The following SLC38A4 variants were observed in gnomAD, a reference collection of about 807,000 sequenced individuals.
The protein encoded by SLC38A4 is sodium-coupled neutral amino acid transporter 4.
Under a neutral mutation model 63.1 loss-of-function variants are expected in SLC38A4, and 20 were observed. The observed-to-expected ratio is 0.32, with a 90% confidence interval of 0.22 to 0.46. SLC38A4 has a LOEUF of 0.46. Ranked by LOEUF, SLC38A4 falls within the 20% of genes least tolerant of loss-of-function variation. The probability of loss-of-function intolerance (pLI) is 1.00; values close to 1 mark genes in which losing one functional copy is unlikely to be tolerated. For synonymous variants in SLC38A4, 230 were observed against 225.5 expected (o/e 1.02, Z -0.18); for missense variants, 526 against 663.6 (o/e 0.79, Z 2.28).
chr12:46,789,793 G>A (rs1938843170), intron 3 of SLC38A4, among the ~76,000 whole-genome samples: 1 of 152,106 alleles, frequency 6.6e-6, no homozygotes, highest in South Asian at 2.1e-4. Flanking sequence ...TATAATCCTA[G>A]AGGCCAGGCA....
chr12:46,773,891 T>C (rs1938471081), intron 14 of SLC38A4, among the ~76,000 whole-genome samples: 1 of 152,066 alleles, frequency 6.6e-6, no homozygotes, highest in Non-Finnish European at 1.5e-5. Context: ...TGCCAAAATT[T>C]AGTGAGTGAT....
chr12:46,785,421 T>C (rs1361250336), intron 5 of SLC38A4, among the ~76,000 whole-genome samples: 1 of 152,038 alleles, frequency 6.6e-6, no homozygotes, highest in African/African-American at 2.4e-5. Context: ...TACCCAGTGG[T>C]AGAATCTGGT....
rs1224750971 is a variant in SLC38A4, at chr12:46,793,145, G to A, written c.-74C>T. On this transcript the variant is annotated 5_prime_UTR_variant, in exon 3 of 17. Transcript: ENST00000266579. The stretch of plus-strand genomic sequence containing the variant: ...ATAATATACTGTACCTTCAGCTTAA[G>A]GTTCTTCCACTTTGTGTTGATGTTC... 4 of 1,044,696 alleles carry A rather than the reference G, an allele frequency of 3.8e-6. No homozygotes were observed. The highest frequency in any genetic ancestry group is 4.5e-6 in the Non-Finnish European group (3 of 673,018). 64.7% of individuals were successfully genotyped at this position (1,044,696 alleles called of 1,614,324 possible).
At chr12:46,772,005 T>C (rs1938426138) in intron 14 of SLC38A4, among the ~76,000 whole-genome samples, 1 of 151,968 alleles carries the variant, frequency 6.6e-6, no homozygotes, top group African/African-American at 2.4e-5. Flanking sequence ...AGACAACATC[T>C]GTTATTTCCA....
intron 3 of SLC38A4, 55 bp downstream of exon 3, chr12:46,792,898 A>T: frequency 5.3e-6 from 7 of 1,314,630 alleles, no homozygotes; most frequent in Non-Finnish European, 7.7e-6. Flanking sequence ...CCTGTTTTCC[A>T]TGTCCACATC....
In SLC38A4 at chr12:46,785,157, G is replaced by A; in HGVS notation, c.347C>T (p.Ala116Val). The A allele has an allele frequency of 6.2e-7, 1 of 1,612,600 alleles. No homozygotes were observed. Among genetic ancestry groups the A allele is most frequent in the Non-Finnish European group, 8.5e-7 (1 of 1,179,018 alleles). Residue 116 changes from alanine (A) to valine (V), a missense_variant, in exon 6 of 17, where the codon GCA (alanine) becomes GTA (valine). Physicochemically the swap from Ala to Val is moderately conservative, Grantham distance 64. Transcript: ENST00000266579. ...ILFIIMLLAV[A>V]ILSLYSVHLL... Reference sequence around the variant, plus strand: ...GTGAACTGAATACAGTGATAATATTGCCACAGCAAGCAGCATGATTCTGCA... The same window carrying A: ...GTGAACTGAATACAGTGATAATATTACCACAGCAAGCAGCATGATTCTGCA...
Position 46,787,978 on chromosome 12 carries a change from G to C in SLC38A4, c.264C>G (p.Ile88Met), listed in dbSNP as rs1014271389. 1 of 1,613,756 alleles carries C rather than the reference G, an allele frequency of 6.2e-7. No individual in the cohort carries two copies. Among genetic ancestry groups the C allele is most frequent in the African/African-American group, 1.3e-5 (1 of 74,914 alleles). ...ACAAGCCCAGGATCCCACTGCCCAT[G>C]ATGGCATTACTCAGGTTAAATGAAG... ...GMSSFNLSNAIMGSGILGLSY... is the reference protein window; with the variant it reads ...GMSSFNLSNAMMGSGILGLSY... Residue 88 changes from isoleucine to methionine, a missense_variant, in exon 5 of 17, where the codon ATC becomes ATG. Transcript: ENST00000266579.
At chr12:46,811,282 T>G (rs1355063385) in intron 1 of SLC38A4, among the ~76,000 whole-genome samples, 1 of 151,942 alleles carries the variant, frequency 6.6e-6, no homozygotes, top group Non-Finnish European at 1.5e-5. Context: ...ATGCACAAAA[T>G]GCCCATGACA....
At chr12:46,808,701 G>C (rs1378714335) in intron 1 of SLC38A4, among the ~76,000 whole-genome samples, 1 of 151,850 alleles carries the variant, frequency 6.6e-6, no homozygotes, top group East Asian at 1.9e-4. Flanking sequence ...AATGTAACAA[G>C]GTCTATAGGA....
At position 46,803,769 on chromosome 12, in the gene SLC38A4, C is replaced by G. The variant is rs1204255147; in HGVS notation, c.-279G>C. 2 of 151,462 alleles carry G rather than the reference C, an allele frequency of 1.3e-5. No homozygotes were observed. Among genetic ancestry groups the G allele is most frequent in the Non-Finnish European group, 2.9e-5 (2 of 67,862 alleles). The allele number at this position is 151,462 out of a possible 1,614,324, so 9.4% of individuals were successfully genotyped here. ...CAACACCACCACCTCACCCCAACACCTCCTTCTGTCCAACTTGCGTCAGCT... is the reference window on the plus strand; with the variant it reads ...CAACACCACCACCTCACCCCAACACGTCCTTCTGTCCAACTTGCGTCAGCT... On this transcript the variant is annotated 5_prime_UTR_variant, in exon 2 of 17. Transcript: ENST00000266579.
rs985921843 is a variant in SLC38A4, at chr12:46,788,517, G to A, written c.210+11C>T. On this transcript the variant is annotated intron_variant, in intron 4 of 16. Transcript: ENST00000266579. ...GTCCCGTTTATTGCCTGAAAGCATA[G>A]ATTCACTTACGTGTTCATCAGCATA... The A allele has an allele frequency of 6.2e-7, 1 of 1,607,492 alleles. No individual in the cohort carries two copies. Among genetic ancestry groups the A allele is most frequent in the African/African-American group, 1.3e-5 (1 of 74,910 alleles).
At chr12:46,813,382 G>A (rs1194515169) in intron 1 of SLC38A4, among the ~76,000 whole-genome samples, 1 of 151,708 alleles carries the variant, frequency 6.6e-6, no homozygotes, top group East Asian at 1.9e-4. Flanking sequence ...TTGTTTTCTC[G>A]CTGTAAATCC....
At chr12:46,815,694 T>TTCA (rs1160253916) in intron 1 of SLC38A4, among the ~76,000 whole-genome samples, 1 of 151,880 alleles carries the variant, frequency 6.6e-6, no homozygotes, top group Non-Finnish European at 1.5e-5. Context: ...AACGATCAAA[T>TTCA]ATTAAATAAC....
chr12:46,811,824 A>C (rs1939344631), intron 1 of SLC38A4, among the ~76,000 whole-genome samples: 1 of 152,020 alleles, frequency 6.6e-6, no homozygotes, highest in Non-Finnish European at 1.5e-5. Context: ...GGCTAAGAAC[A>C]GAAAAGCTTA....
intron 1 of SLC38A4, among the ~76,000 whole-genome samples, chr12:46,815,270 TATATATATATATATACACACAC>T (rs1939418343): frequency 1.5e-5 from 1 of 64,702 alleles, no homozygotes; most frequent in African/African-American, 5.3e-5. Flanking sequence ...TATATATATA[TATATATATATATATACACACAC>T]ACACACACAC....
At chr12:46,772,920 A>G (rs752671611) in intron 14 of SLC38A4, among the ~76,000 whole-genome samples, 7 of 152,122 alleles carry the variant, frequency 4.6e-5, no homozygotes, top group Non-Finnish European at 8.8e-5. Flanking sequence ...CTTAAATGAA[A>G]TAAACTGTCA....
At chr12:46,780,167 G>A (rs1217682014) in intron 7 of SLC38A4, 137 bp from the exon 8 acceptor site, 4 of 662,462 alleles carry the variant, frequency 6.0e-6, no homozygotes, top group Non-Finnish European at 1.1e-5. Flanking sequence ...ATTTGGCACT[G>A]CTTCCAAGTT....
intron 1 of SLC38A4, among the ~76,000 whole-genome samples, chr12:46,812,564 C>T (rs1237954543): frequency 6.6e-6 from 1 of 151,952 alleles, no homozygotes; most frequent in African/African-American, 2.4e-5. Flanking sequence ...GAGCTTTTTT[C>T]TCATTTATAA....
At chr12:46,782,300 A>G (rs986435935) in intron 7 of SLC38A4, among the ~76,000 whole-genome samples, 3 of 152,000 alleles carry the variant, frequency 2.0e-5, no homozygotes, top group African/African-American at 7.2e-5. Context: ...AACAGTGAAA[A>G]ATTAGAAACA....
Sources: allele counts gnomAD v4.1 joint callset (sites outside exome capture counted in the v4.1 genomes callset), GRCh38; gene constraint gnomAD v4.1.1; transcripts MANE v1.5; gene names NCBI Gene and HGNC (gene_info 2026-07-23, HGNC 2026-07-21).